Variants in NLGN4Y observed in about 807,000 individuals in gnomAD.
The protein encoded by NLGN4Y is neuroligin 4 Y-linked.
Under a neutral mutation model 8.4 loss-of-function variants are expected in NLGN4Y, and 4 were observed. That is an observed-to-expected ratio of 0.48 (90% CI 0.23 to 1.09). The LOEUF is 1.09. NLGN4Y is among the 50% of genes least tolerant of loss of function. The pLI, the probability that NLGN4Y is intolerant of heterozygous loss-of-function variation, is 0.19. For missense variants in NLGN4Y, 90 were observed against 192.3 expected, an observed-to-expected ratio of 0.47 and a Z score of 3.15; for synonymous variants, 35 against 75.6, an observed-to-expected ratio of 0.46 and a Z score of 2.78.
chrY:14,770,025 C>T, intron 4 of NLGN4Y, among the ~76,000 whole-genome samples: 1 of 33,564 alleles, frequency 3.0e-5, no homozygotes, highest in African/African-American at 1.2e-4. Context: ...GGCAGGGCAA[C>T]TGTGAAAAGA....
chrY:14,699,072 C>T (rs1569367854), intron 2 of NLGN4Y, among the ~76,000 whole-genome samples: 1 of 32,826 alleles, frequency 3.0e-5, no homozygotes, highest in Non-Finnish European at 7.5e-5. Context: ...TAATATCCTA[C>T]GTTCTATTCT....
At chrY:14,671,540 A>G in intron 2 of NLGN4Y, among the ~76,000 whole-genome samples, 1 of 30,622 alleles carries the variant, frequency 3.3e-5, no homozygotes, top group African/African-American at 1.3e-4. Flanking sequence ...TTTAAAAAAA[A>G]AAAAAGAAAA....
intron 4 of NLGN4Y, among the ~76,000 whole-genome samples, chrY:14,810,478 G>T: frequency 3.2e-5 from 1 of 31,158 alleles, no homozygotes; most frequent in East Asian, 8.4e-4. Flanking sequence ...ACAGTGGGCC[G>T]AAATCATGGC....
intron 4 of NLGN4Y, 110 bp from the exon 5 acceptor site, chrY:14,824,078 G>T: frequency 4.1e-6 from 1 of 246,461 alleles, no homozygotes; most frequent in Non-Finnish European, 6.6e-6. Context: ...TGGGGGACAG[G>T]GTTGTGGAGA....
intron 4 of NLGN4Y, among the ~76,000 whole-genome samples, chrY:14,773,810 G>A: frequency 3.0e-5 from 1 of 33,388 alleles, no homozygotes; most frequent in African/African-American, 1.2e-4. Context: ...ACAAAAACAA[G>A]CAATGGGGAA....
At chrY:14,709,486 G>A (rs2080893412) in intron 2 of NLGN4Y, among the ~76,000 whole-genome samples, 1 of 33,485 alleles carries the variant, frequency 3.0e-5, no homozygotes, top group African/African-American at 1.2e-4. Context: ...GCCAAGGTGG[G>A]TGTATCACCT....
intron 1 of NLGN4Y, among the ~76,000 whole-genome samples, chrY:14,588,087 A>G (rs2080347400): frequency 3.0e-5 from 1 of 33,772 alleles, no homozygotes; most frequent in African/African-American, 1.2e-4. Flanking sequence ...GGGTTTCACC[A>G]TGGAAGCATT....
intron 2 of NLGN4Y, among the ~76,000 whole-genome samples, chrY:14,670,787 T>C: frequency 3.0e-5 from 1 of 33,645 alleles, no homozygotes; most frequent in Non-Finnish European, 7.4e-5. Context: ...GAATAATACA[T>C]AAATTTATGT....
chrY:14,543,401 T>C (rs900688866), intron 1 of NLGN4Y, among the ~76,000 whole-genome samples: 1 of 34,149 alleles, frequency 2.9e-5, no homozygotes, highest in Non-Finnish European at 7.3e-5. Flanking sequence ...AAAACTGCTC[T>C]TTTTACTCTA....
intron 2 of NLGN4Y, among the ~76,000 whole-genome samples, chrY:14,688,818 A>G (rs2150536240): frequency 3.5e-5 from 1 of 28,961 alleles, no homozygotes; most frequent in South Asian, 7.6e-4. Flanking sequence ...TCAGAAAAGG[A>G]GGCATATATA....
intron 2 of NLGN4Y, among the ~76,000 whole-genome samples, chrY:14,648,671 A>AT (rs2080619129): frequency 3.2e-5 from 1 of 31,563 alleles, no homozygotes; most frequent in African/African-American, 1.3e-4. Flanking sequence ...CAACGTTGGC[A>AT]TTTTTTAGAA....
At chrY:14,797,351 C>T in intron 4 of NLGN4Y, among the ~76,000 whole-genome samples, 1 of 26,601 alleles carries the variant, frequency 3.8e-5, no homozygotes, top group East Asian at 9.3e-4. Context: ...GGCTGGAGTG[C>T]GGTGGCGCGA....
chrY:14,804,329 T>C (rs2043048939), intron 4 of NLGN4Y, among the ~76,000 whole-genome samples: 1 of 33,325 alleles, frequency 3.0e-5, no homozygotes, highest in African/African-American at 1.2e-4. Context: ...TTGAAACTTA[T>C]AATTCTTTTC....
intron 2 of NLGN4Y, among the ~76,000 whole-genome samples, chrY:14,637,713 C>T (rs2080569581): frequency 3.0e-5 from 1 of 33,031 alleles, no homozygotes; most frequent in Non-Finnish European, 7.4e-5. Flanking sequence ...AGCCAGGACC[C>T]TGTTTACCTT....
chrY:14,832,349 T>A, intron 6 of NLGN4Y, among the ~76,000 whole-genome samples: 2 of 33,453 alleles, frequency 6.0e-5, no homozygotes, highest in Non-Finnish European at 1.5e-4. Context: ...GGTCTGAGAA[T>A]GGCTACCAGG....
At chrY:14,699,350 G>T (rs1003757260) in intron 2 of NLGN4Y, among the ~76,000 whole-genome samples, 85 of 33,139 alleles carry the variant, frequency 2.6e-3, no homozygotes, top group Admixed American at 0.024. Context: ...AGCAATTGTT[G>T]GTGTATTTTA....
intron 2 of NLGN4Y, among the ~76,000 whole-genome samples, chrY:14,657,288 A>C (rs2080657257): frequency 3.1e-5 from 1 of 32,067 alleles, no homozygotes; most frequent in Non-Finnish European, 7.6e-5. Flanking sequence ...TCCTTTCCTC[A>C]AACCCCACCC....
intron 2 of NLGN4Y, chrY:14,640,386 G>C: frequency 1.1e-5 from 1 of 93,220 alleles, no homozygotes; most frequent in Non-Finnish European, 2.3e-5. Flanking sequence ...AGTGCTCTGA[G>C]ACCATACTTT....
At chrY:14,654,600 T>G (rs2080642327) in intron 2 of NLGN4Y, among the ~76,000 whole-genome samples, 1 of 32,402 alleles carries the variant, frequency 3.1e-5, no homozygotes, top group Non-Finnish European at 7.5e-5. Context: ...GACCTCATTA[T>G]TATACTCTTT....
Sources: gnomAD v4.1 joint callset for allele counts (sites outside exome capture counted in the v4.1 genomes callset) on GRCh38, gnomAD v4.1.1 for gene constraint, MANE v1.5 for transcripts, NCBI Gene and HGNC (gene_info 2026-07-23, HGNC 2026-07-21) for gene names.